Variants in ASAP1 observed in about 807,000 individuals in gnomAD.
The protein encoded by ASAP1 is ArfGAP with SH3 domain, ankyrin repeat and PH domain 1.
In ASAP1, 43 loss-of-function variants were observed where a neutral mutation model predicts 145.2. That is an observed-to-expected ratio of 0.30 (90% CI 0.23 to 0.38). The LOEUF (loss-of-function observed/expected upper bound fraction) is 0.38, where lower values mean the gene tolerates loss of function less well. ASAP1 is among the 10% of genes least tolerant of loss of function. The pLI is 1.00. For missense variants in ASAP1, 1,018 were observed against 1,355.3 expected, an observed-to-expected ratio of 0.75 and a Z score of 3.91; for synonymous variants, 546 against 515.5, an observed-to-expected ratio of 1.06 and a Z score of -0.80.
At chr8:130,089,742 C>G (rs572423219) in intron 25 of ASAP1, among the ~76,000 whole-genome samples, 7 of 152,114 alleles carry the variant, frequency 4.6e-5, no homozygotes, top group South Asian at 2.1e-4. Context: ...ATGAATGCAC[C>G]CACACATACA....
chr8:130,381,548 CA>C (rs11351906), intron 2 of ASAP1, among the ~76,000 whole-genome samples: 49,709 of 151,900 alleles, frequency 0.33, 9,453 homozygotes, highest in African/African-American at 0.53. Context: ...GTTTGAGCAC[CA>C]AAAGAGAATG....
chr8:130,164,362 ATCACTTGAGG>A (rs1406623261), intron 11 of ASAP1, among the ~76,000 whole-genome samples: 1 of 152,204 alleles, frequency 6.6e-6, no homozygotes, highest in African/African-American at 2.4e-5. Flanking sequence ...AGGCGGGCAG[ATCACTTGAGG>A]TCACTTGAGG....
At chr8:130,308,873 C>G (rs928602410) in intron 3 of ASAP1, among the ~76,000 whole-genome samples, 1 of 151,970 alleles carries the variant, frequency 6.6e-6, no homozygotes, top group African/African-American at 2.4e-5. Flanking sequence ...AAAACCTGGT[C>G]TCTACTAAAA....
chr8:130,338,460 T>C (rs915323327), intron 3 of ASAP1, among the ~76,000 whole-genome samples: 6 of 152,130 alleles, frequency 3.9e-5, no homozygotes, highest in South Asian at 2.1e-4. Flanking sequence ...ACGTGTCAGG[T>C]AAATAAAGAC....
At chr8:130,313,531 G>A (rs1417583567) in intron 3 of ASAP1, among the ~76,000 whole-genome samples, 1 of 152,196 alleles carries the variant, frequency 6.6e-6, no homozygotes, top group African/African-American at 2.4e-5. Flanking sequence ...GACTACCCTT[G>A]TGGGATTCTC....
chr8:130,273,363 G>A (rs181949317), intron 3 of ASAP1, among the ~76,000 whole-genome samples: 3 of 152,250 alleles, frequency 2.0e-5, no homozygotes, highest in East Asian at 3.9e-4. Context: ...TCCCTCCCAA[G>A]GCAGGGTCAC....
rs370392750 is a variant in ASAP1, at chr8:130,078,143, C to T, written c.2643-1737G>A. Among the ~76,000 whole-genome samples, 10 of 152,162 alleles carry T rather than the reference C, an allele frequency of 6.6e-5. No individual in the cohort carries two copies. In the East Asian group the frequency reaches 7.7e-4, roughly 12 times the overall value. On this transcript the variant is annotated intron_variant, in intron 26 of 29. Transcript: ENST00000518721. ...TAGCTGGGACTACAGGCGCACCCCA[C>T]TATGCCCGGCTAATTTTTGTATTTT...
chr8:130,152,833 T>C, intron 12 of ASAP1, 28 bp from the exon 13 acceptor site: 6 of 1,524,666 alleles, frequency 3.9e-6, no homozygotes, highest in Non-Finnish European at 4.5e-6. Flanking sequence ...CACAACTAGA[T>C]ATAGTAACTG....
chr8:130,127,823 A>T, intron 16 of ASAP1, 104 bp downstream of exon 16: 1 of 1,268,316 alleles, frequency 7.9e-7, no homozygotes, highest in Non-Finnish European at 1.1e-6. Flanking sequence ...TGTGTATGTG[A>T]GTGTGTCCAT....
intron 3 of ASAP1, among the ~76,000 whole-genome samples, chr8:130,335,680 T>G (rs1824988399): frequency 6.6e-6 from 1 of 152,058 alleles, no homozygotes; most frequent in Non-Finnish European, 1.5e-5. Context: ...TGATCAAGAG[T>G]ACAGCAGCCC....
chr8:130,068,988 GCT>G (rs1195742171), intron 27 of ASAP1, among the ~76,000 whole-genome samples: 4 of 152,160 alleles, frequency 2.6e-5, no homozygotes, highest in Non-Finnish European at 5.9e-5. Flanking sequence ...TCTTATAGAT[GCT>G]AATAAAAATA....
chr8:130,238,871 C>T (rs1166161655), intron 3 of ASAP1, among the ~76,000 whole-genome samples: 2 of 152,210 alleles, frequency 1.3e-5, no homozygotes, highest in Admixed American at 1.3e-4. Flanking sequence ...AGACAAAAAA[C>T]AGGGTTTCCA....
At chr8:130,293,365 A>G (rs1822061596) in intron 3 of ASAP1, among the ~76,000 whole-genome samples, 3 of 152,198 alleles carry the variant, frequency 2.0e-5, no homozygotes, top group South Asian at 2.1e-4. Context: ...ACTGGATTCA[A>G]TCACCCAACT....
intron 1 of ASAP1, among the ~76,000 whole-genome samples, chr8:130,435,390 C>A (rs535386655): frequency 1.3e-5 from 2 of 152,344 alleles, no homozygotes; most frequent in Admixed American, 1.3e-4. Context: ...AGACTTGGTG[C>A]TAGGCACTAG....
intron 2 of ASAP1, among the ~76,000 whole-genome samples, chr8:130,395,673 CT>C (rs35746850): frequency 0.087 from 12,893 of 148,756 alleles, 616 homozygotes; most frequent in African/African-American, 0.14. Context: ...CAATACATTT[CT>C]TTTTTTTTTT....
chr8:130,185,729 CAA>C (rs778486303), intron 7 of ASAP1, among the ~76,000 whole-genome samples: 6 of 57,110 alleles, frequency 1.1e-4, no homozygotes, highest in African/African-American at 2.4e-4. Context: ...AACTCCGCCT[CAA>C]AAAAAAAAAA....
chr8:130,342,494 G>A (rs1030510970), intron 3 of ASAP1, among the ~76,000 whole-genome samples: 1 of 152,124 alleles, frequency 6.6e-6, no homozygotes, highest in East Asian at 1.9e-4. Context: ...AGGGAAAGAT[G>A]CTCCAGATAG....
At chr8:130,077,240 T>C (rs139248999) in intron 26 of ASAP1, among the ~76,000 whole-genome samples, 2 of 152,248 alleles carry the variant, frequency 1.3e-5, no homozygotes, top group African/African-American at 4.8e-5. Flanking sequence ...GACAGGTAAA[T>C]GAGGGTGACA....
In ASAP1 at chr8:130,190,858, T is replaced by C. The variant is rs117025318; in HGVS notation, c.406-2675A>G. Reference sequence around the variant, plus strand: ...GCCAGCATCATGCTGGTTTGATTACTACAGCTTAGTAGTATAATTTGAAGT... The same window carrying C: ...GCCAGCATCATGCTGGTTTGATTACCACAGCTTAGTAGTATAATTTGAAGT... On this transcript the variant is annotated intron_variant, in intron 5 of 29. Coordinates refer to ENST00000518721, the MANE Select transcript of ASAP1 (RefSeq NM_018482.4). Among the ~76,000 whole-genome samples the C allele has an allele frequency of 1.8e-4, 27 of 152,302 alleles. 1 individual carries two copies. In the East Asian group the frequency reaches 5.2e-3, roughly 29 times the overall value.
Sources: allele counts gnomAD v4.1 joint callset (sites outside exome capture counted in the v4.1 genomes callset), GRCh38; gene constraint gnomAD v4.1.1; transcripts MANE v1.5; gene names NCBI Gene and HGNC (gene_info 2026-07-23, HGNC 2026-07-21).